WDFY4: variants seen among roughly 807,000 people sequenced by gnomAD.
The protein encoded by WDFY4 is WD repeat- and FYVE domain-containing protein 4.
WDFY4 carries 169 observed loss-of-function variants against 351.9 expected under a neutral mutation model. The ratio of observed to expected loss-of-function variants is 0.48; its 90% CI spans 0.42 to 0.55. WDFY4 has a LOEUF of 0.55. WDFY4 is among the 20% of genes least tolerant of loss of function. The probability of loss-of-function intolerance (pLI) is 0.00; values close to 1 mark genes in which losing one functional copy is unlikely to be tolerated. For missense variants in WDFY4, 3,803 were observed against 3,935.6 expected (o/e 0.97, Z 0.90); for synonymous variants, 1,622 against 1,574.6 (o/e 1.03, Z -0.71).
At chr10:48,844,568 G>T (rs906353177) in intron 39 of WDFY4, among the ~76,000 whole-genome samples, 1 of 152,104 alleles carries the variant, frequency 6.6e-6, no homozygotes. Flanking sequence ...CTCCAGCCTA[G>T]GTGACAACAG....
intron 24 of WDFY4, among the ~76,000 whole-genome samples, chr10:48,799,722 G>T (rs1049550535): frequency 6.6e-6 from 1 of 152,112 alleles, no homozygotes; most frequent in Non-Finnish European, 1.5e-5. Flanking sequence ...GCAGTGAGCC[G>T]AGATCATGCC....
intron 43 of WDFY4, chr10:48,878,624 AC>A (rs1277643800): frequency 6.6e-6 from 1 of 152,564 alleles, no homozygotes; most frequent in Non-Finnish European, 1.5e-5. Flanking sequence ...AGGTTTGCCT[AC>A]CTGCAGTGCC....
chr10:48,795,347 G>C (rs1006555501), intron 23 of WDFY4, among the ~76,000 whole-genome samples: 5 of 151,548 alleles, frequency 3.3e-5, no homozygotes, highest in African/African-American at 1.2e-4. Context: ...GGACAGAGTT[G>C]GATTGCCAGA....
chr10:48,733,910 A>C, intron 9 of WDFY4, 21 bp from the exon 10 acceptor site: 2 of 1,549,814 alleles, frequency 1.3e-6, no homozygotes, highest in Non-Finnish European at 1.7e-6. Flanking sequence ...TTATTTTGTT[A>C]TTTCTTCTTC....
chr10:48,820,338 C>A lies in WDFY4; in HGVS notation c.5610C>A (p.Ala1870=). 1 of 1,551,608 alleles carries A rather than the reference C, an allele frequency of 6.4e-7. No homozygotes were observed. Among genetic ancestry groups the A allele is most frequent in the Non-Finnish European group, 8.7e-7 (1 of 1,146,990 alleles). Residue 1870 remains alanine, a synonymous_variant, in exon 33 of 62, where the codon GCC becomes GCA. Transcript: ENST00000325239. ...GLQAPTKAHP[A]RRKLREFTQL... is the part of the protein sequence containing the mutation. ...AGGCTCCCACCAAGGCACATCCCGCCCGGAGGAAGCTGAGGGAGTTCACGC... is the reference window on the plus strand; with the variant it reads ...AGGCTCCCACCAAGGCACATCCCGCACGGAGGAAGCTGAGGGAGTTCACGC...
chr10:48,772,464 G>A (rs58293991), intron 13 of WDFY4, among the ~76,000 whole-genome samples: 41,114 of 148,862 alleles, frequency 0.28, 5,945 homozygotes, highest in Middle Eastern at 0.36. Flanking sequence ...ATTTGGGTGG[G>A]TAGGGCTCCA....
chr10:48,965,060 G>A (rs948719292), intron 54 of WDFY4, among the ~76,000 whole-genome samples: 1 of 152,126 alleles, frequency 6.6e-6, no homozygotes, highest in Non-Finnish European at 1.5e-5. Context: ...AGGAAGGAAA[G>A]AATTTCAGGA....
chr10:48,822,568 G>GT (rs756348014), intron 35 of WDFY4, 31 bp downstream of exon 35: 1 of 1,487,738 alleles, frequency 6.7e-7, no homozygotes, highest in Non-Finnish European at 9.0e-7. Flanking sequence ...GGGTATCTGT[G>GT]TGGATCTGAA....
chr10:48,832,794 A>G (rs2068237036), intron 39 of WDFY4, 85 bp downstream of exon 39: 1 of 1,409,100 alleles, frequency 7.1e-7, no homozygotes, highest in African/African-American at 1.5e-5. Context: ...GCTGCCTGTT[A>G]CTAGACATGA....
At chr10:48,791,047 C>G (rs1005504349) in intron 23 of WDFY4, 130 bp downstream of exon 23, 3 of 1,206,072 alleles carry the variant, frequency 2.5e-6, no homozygotes, top group African/African-American at 3.1e-5. Flanking sequence ...AGCCGAAAGC[C>G]CTTGGGTTCT....
intron 39 of WDFY4, among the ~76,000 whole-genome samples, chr10:48,858,507 G>A (rs1255096184): frequency 6.6e-6 from 1 of 152,120 alleles, no homozygotes; most frequent in African/African-American, 2.4e-5. Context: ...AAAATTAGTT[G>A]GGCATTCATG....
intron 31 of WDFY4, among the ~76,000 whole-genome samples, chr10:48,815,314 CAT>C (rs964432179): frequency 6.6e-6 from 1 of 151,948 alleles, no homozygotes; most frequent in Non-Finnish European, 1.5e-5. Context: ...AATCATTTTT[CAT>C]ATGTTTATTA....
At chr10:48,972,616 A>C (rs1455799953) in intron 57 of WDFY4, among the ~76,000 whole-genome samples, 2 of 152,252 alleles carry the variant, frequency 1.3e-5, no homozygotes, top group Non-Finnish European at 2.9e-5. Context: ...TAGACAATTA[A>C]GTTGTTTCCA....
At chr10:48,687,307 C>T (rs541698275) in intron 1 of WDFY4, among the ~76,000 whole-genome samples, 16 of 152,172 alleles carry the variant, frequency 1.1e-4, no homozygotes, top group African/African-American at 3.6e-4. Context: ...GGTGCCTTGT[C>T]TCCTTATATT....
At chr10:48,738,139 C>T (rs1228741329) in intron 11 of WDFY4, among the ~76,000 whole-genome samples, 2 of 152,168 alleles carry the variant, frequency 1.3e-5, no homozygotes, top group Non-Finnish European at 2.9e-5. Flanking sequence ...CCTGACAGTA[C>T]CATATCAAAA....
chr10:48,788,816 G>A, intron 21 of WDFY4, 141 bp downstream of exon 21: 1 of 1,206,268 alleles, frequency 8.3e-7, no homozygotes, highest in Non-Finnish European at 1.1e-6. Flanking sequence ...CACTTCATTT[G>A]TTAAAATATC....
intron 47 of WDFY4, among the ~76,000 whole-genome samples, chr10:48,906,370 C>T (rs1396258474): frequency 6.6e-6 from 1 of 152,146 alleles, no homozygotes; most frequent in Non-Finnish European, 1.5e-5. Flanking sequence ...GCCTCCATAA[C>T]TATATATATG....
intron 25 of WDFY4, 120 bp from the exon 26 acceptor site, chr10:48,805,140 G>C (rs1174556035): frequency 5.2e-6 from 6 of 1,165,016 alleles, no homozygotes; most frequent in East Asian, 2.6e-5. Context: ...ATTGCCAAGA[G>C]AGCATTGGAG....
At chr10:48,697,502 G>A (rs10458721) in intron 1 of WDFY4, among the ~76,000 whole-genome samples, 90,309 of 152,088 alleles carry the variant, frequency 0.59, 26,921 homozygotes, top group East Asian at 0.7. Context: ...CTGGGTGGGC[G>A]ATGGCTGCTC....
Sources: gnomAD v4.1 joint callset for allele counts (sites outside exome capture counted in the v4.1 genomes callset) on GRCh38, gnomAD v4.1.1 for gene constraint, MANE v1.5 for transcripts, NCBI Gene and HGNC (gene_info 2026-07-23, HGNC 2026-07-21) for gene names.